Variants in PHKB observed in about 807,000 individuals in gnomAD.
PHKB encodes the protein phosphorylase kinase regulatory subunit beta.
In PHKB, 122 loss-of-function variants were observed where a neutral mutation model predicts 152.1. That is an observed-to-expected ratio of 0.80 (90% CI 0.69 to 0.93). The LOEUF (loss-of-function observed/expected upper bound fraction) is 0.93. Ranked by LOEUF, PHKB falls within the 40% of genes least tolerant of loss-of-function variation. The pLI, the probability that PHKB is intolerant of heterozygous loss-of-function variation, is 0.00. For synonymous variants in PHKB, 436 were observed against 464.9 expected, an observed-to-expected ratio of 0.94 and a Z score of 0.80; for missense variants, 1,304 against 1,328.4, an observed-to-expected ratio of 0.98 and a Z score of 0.29.
chr16:47,464,670 A>C (rs1167422227), intron 1 of PHKB, among the ~76,000 whole-genome samples: 1 of 152,206 alleles, frequency 6.6e-6, no homozygotes. Context: ...TCCCATTAGC[A>C]ACCAGGCCTT....
At chr16:47,666,247 G>A (rs1231429399) in intron 25 of PHKB, among the ~76,000 whole-genome samples, 1 of 152,156 alleles carries the variant, frequency 6.6e-6, no homozygotes, top group Non-Finnish European at 1.5e-5. Flanking sequence ...GCACCTTAAA[G>A]CTATAATCTT....
intron 13 of PHKB, among the ~76,000 whole-genome samples, chr16:47,608,028 T>G (rs1370802323): frequency 1.3e-5 from 2 of 150,530 alleles, no homozygotes; most frequent in East Asian, 3.9e-4. Context: ...TTTAATGGGT[T>G]TTTTTTTTCT....
At chr16:47,540,522 T>C (rs1971035219) in intron 6 of PHKB, among the ~76,000 whole-genome samples, 1 of 152,102 alleles carries the variant, frequency 6.6e-6, no homozygotes, top group Non-Finnish European at 1.5e-5. Context: ...GTTTTGCAGC[T>C]CAAGTGGGCA....
chr16:47,484,448 A>C (rs1347013655), intron 1 of PHKB, among the ~76,000 whole-genome samples: 1 of 152,236 alleles, frequency 6.6e-6, no homozygotes, highest in Non-Finnish European at 1.5e-5. Context: ...TATAATAATA[A>C]ATAGGAGTTG....
At chr16:47,693,563 C>CCTTTCCTCT in intron 28 of PHKB, 56 bp downstream of exon 28, 1 of 1,582,982 alleles carries the variant, frequency 6.3e-7, no homozygotes, top group East Asian at 2.2e-5. Context: ...GGTAGTGAAT[C>CCTTTCCTCT]CTTTCCTCTT....
chr16:47,647,883 T>A (rs965226399), intron 16 of PHKB, among the ~76,000 whole-genome samples: 1 of 152,324 alleles, frequency 6.6e-6, no homozygotes, highest in African/African-American at 2.4e-5. Context: ...TATGTAAATA[T>A]ACACACATAT....
At chr16:47,512,528 A>G (rs1970527624) in intron 5 of PHKB, among the ~76,000 whole-genome samples, 1 of 152,246 alleles carries the variant, frequency 6.6e-6, no homozygotes, top group Non-Finnish European at 1.5e-5. Context: ...TCATTTCTTA[A>G]TGTGTCATCC....
chr16:47,633,078 T>C (rs1323508948), intron 14 of PHKB, among the ~76,000 whole-genome samples: 1 of 152,136 alleles, frequency 6.6e-6, no homozygotes, highest in Non-Finnish European at 1.5e-5. Flanking sequence ...CTTAGAAAAA[T>C]ACAATCTGAC....
intron 14 of PHKB, among the ~76,000 whole-genome samples, chr16:47,628,922 A>G (rs1053972326): frequency 5.9e-5 from 9 of 152,126 alleles, no homozygotes; most frequent in African/African-American, 9.7e-5. Flanking sequence ...AGCAATGGGG[A>G]AAGGATTCCC....
intron 6 of PHKB, among the ~76,000 whole-genome samples, chr16:47,541,505 T>C (rs1304924939): frequency 1.3e-5 from 2 of 152,252 alleles, no homozygotes; most frequent in Non-Finnish European, 2.9e-5. Context: ...CCTTTGGGAA[T>C]ATACCCAGTA....
intron 26 of PHKB, among the ~76,000 whole-genome samples, chr16:47,682,304 G>T (rs1368912611): frequency 1.3e-5 from 2 of 152,118 alleles, no homozygotes; most frequent in Non-Finnish European, 2.9e-5. Flanking sequence ...CTGAATATTG[G>T]TCTGCGTTGC....
chr16:47,656,418 G>A (rs1973339490), intron 20 of PHKB, among the ~76,000 whole-genome samples: 1 of 152,146 alleles, frequency 6.6e-6, no homozygotes, highest in African/African-American at 2.4e-5. Context: ...AAAGCAAAAT[G>A]TAAGTACATA....
chr16:47,647,399 C>T (rs1258986657), intron 16 of PHKB, among the ~76,000 whole-genome samples: 3 of 152,208 alleles, frequency 2.0e-5, no homozygotes, highest in African/African-American at 7.2e-5. Flanking sequence ...TTTGGGATTA[C>T]AGGCGTGAGC....
intron 6 of PHKB, chr16:47,529,329 A>G (rs1328799438): frequency 6.6e-6 from 1 of 151,766 alleles, no homozygotes; most frequent in Non-Finnish European, 1.5e-5. Flanking sequence ...ATCGCTACAA[A>G]AATCTTTAAA....
intron 6 of PHKB, among the ~76,000 whole-genome samples, chr16:47,544,054 A>G (rs1971112737): frequency 6.6e-6 from 1 of 152,018 alleles, no homozygotes; most frequent in Non-Finnish European, 1.5e-5. Flanking sequence ...GGATTCATTG[A>G]TTTTTTGAAG....
Position 47,699,501 on chromosome 16 carries a change from G to T in PHKB, c.*135G>T, listed in dbSNP as rs940362135. 6.3e-6 allele frequency: 6 copies of T among 956,072 alleles called. No individual in the cohort carries two copies. Among genetic ancestry groups the T allele is most frequent in the Non-Finnish European group, 1.0e-5 (6 of 583,834 alleles). The allele number at this position is 956,072 out of a possible 1,614,324, so 59.2% of individuals were successfully genotyped here. On this transcript the variant is annotated 3_prime_UTR_variant, in exon 31 of 31. Coordinates refer to ENST00000323584, the MANE Select transcript of PHKB (RefSeq NM_000293.3). ...AGGTGAATGCCACATCCTTGGCGGG[G>T]TTATGGACCTCTTGCATGTCATAGC...
chr16:47,513,336 G>A (rs1970541806), intron 5 of PHKB, among the ~76,000 whole-genome samples: 1 of 152,212 alleles, frequency 6.6e-6, no homozygotes, highest in African/African-American at 2.4e-5. Context: ...TGTCAATGCT[G>A]TAAGAGAACA....
At chr16:47,617,946 C>G (rs1469435495) in intron 14 of PHKB, among the ~76,000 whole-genome samples, 1 of 152,226 alleles carries the variant, frequency 6.6e-6, no homozygotes, top group Non-Finnish European at 1.5e-5. Context: ...TGGAGAAAAG[C>G]CCTGCTTTAT....
At chr16:47,639,118 A>G (rs532976598) in intron 14 of PHKB, among the ~76,000 whole-genome samples, 1 of 152,202 alleles carries the variant, frequency 6.6e-6, no homozygotes, top group East Asian at 1.9e-4. Context: ...TACAAAAAAT[A>G]TAAAAATTAG....
Sources: allele counts gnomAD v4.1 joint callset (sites outside exome capture counted in the v4.1 genomes callset), GRCh38; gene constraint gnomAD v4.1.1; transcripts MANE v1.5; gene names NCBI Gene and HGNC (gene_info 2026-07-23, HGNC 2026-07-21).